Variants in ESPL1 observed in about 807,000 individuals in gnomAD.
ESPL1 encodes the protein separin.
ESPL1 carries 50 observed loss-of-function variants against 217.2 expected under a neutral mutation model. The ratio of observed to expected loss-of-function variants is 0.23; its 90% CI spans 0.18 to 0.29. ESPL1 has a LOEUF of 0.29. ESPL1 is among the 10% of genes least tolerant of loss of function. ESPL1 has a pLI of 1.00. For missense variants in ESPL1, 1,834 were observed against 2,603.0 expected (o/e 0.70, Z 6.43); for synonymous variants, 994 against 1,081.3 (o/e 0.92, Z 1.58).
intron 6 of ESPL1, chr12:53,274,050 T>G (rs1943723180): frequency 6.6e-6 from 1 of 151,866 alleles, no homozygotes; most frequent in African/African-American, 2.4e-5. Context: ...AGACGGGGGT[T>G]TCATCATCTT....
At chr12:53,268,507 CTGAAGGGCT>C in intron 1 of ESPL1, 130 bp downstream of exon 1, 1 of 478,594 alleles carries the variant, frequency 2.1e-6, no homozygotes, top group Non-Finnish European at 3.7e-6. Context: ...CCCCGGGCCG[CTGAAGGGCT>C]GGGCCGAGGC....
chr12:53,270,047 G>A lies in ESPL1; in HGVS notation c.1105G>A (p.Gly369Arg). Residue 369 changes from glycine to arginine, a missense_variant, in exon 3 of 31, where the codon GGG (glycine) becomes AGG (arginine). Physicochemically the swap from Gly to Arg is moderately radical, Grantham distance 125 (BLOSUM62 -2). Transcript: ENST00000257934. Reference sequence around the variant, plus strand: ...TCTGAGCCTCTTTGCTTTTCTTGGAGGGTACTGCTCTCTTCTGCAGCAGCT... The same window carrying A: ...TCTGAGCCTCTTTGCTTTTCTTGGAAGGTACTGCTCTCTTCTGCAGCAGCT... ...AILSLFAFLG[G>R]YCSLLQQLRD... 1 of 1,613,850 alleles carries A rather than the reference G, an allele frequency of 6.2e-7. No individual in the cohort carries two copies. Among genetic ancestry groups the A allele is most frequent in the Non-Finnish European group, 8.5e-7 (1 of 1,179,876 alleles).
chr12:53,289,675 C>A, intron 22 of ESPL1, 81 bp downstream of exon 22: 3 of 1,212,286 alleles, frequency 2.5e-6, no homozygotes, highest in Non-Finnish European at 3.5e-6. Flanking sequence ...GAGTTTTAGG[C>A]ATTGGTTAGT....
At chr12:53,289,332 G>T in intron 21 of ESPL1, 29 bp downstream of exon 21, 4 of 1,610,374 alleles carry the variant, frequency 2.5e-6, no homozygotes, top group Non-Finnish European at 3.4e-6. Flanking sequence ...CAAGACTCCT[G>T]CTGGGGCAGA....
intron 3 of ESPL1, 107 bp from the exon 4 acceptor site, chr12:53,270,271 C>T (rs1290227242): frequency 1.0e-6 from 1 of 987,634 alleles, no homozygotes; most frequent in Non-Finnish European, 1.6e-6. Flanking sequence ...GATGTCCTTC[C>T]TCGTGCTCCC....
In ESPL1 at chr12:53,292,646, T is replaced by C. The variant is rs1306089569; in HGVS notation, c.5985T>C (p.His1995=). The change falls in exon 29 of 31, where the codon CAT becomes CAC. Residue 1995 remains histidine, a synonymous_variant. Coordinates refer to ENST00000257934, the MANE Select transcript of ESPL1 (RefSeq NM_012291.5). The surrounding 1 kb of genome is among the most constrained non-coding windows in gnomAD (Gnocchi z 4.5). ...PEQVQEALTK[H]DLYIYAGHGA... ...AGGTGCAGGAAGCCCTGACAAAGCA[T>C]GATTTGTATATGTGAGTGCTTAAGG... 2.5e-6 allele frequency: 4 copies of C among 1,612,484 alleles called. No homozygotes were observed. In the African/African-American group the frequency reaches 4.0e-5, roughly 16 times the overall value.
In ESPL1 at chr12:53,271,172, G is replaced by GGTTTTTTTTTTTTTTT. The variant is rs371461220; in HGVS notation, c.1369+374_1369+375insGTTTTTTTTTTTTTTT. ...AAATGACCTTTCTGTATATTTAAGTGTTTTTTTTTTTTTTTTTTTGAGACA... is the reference window on the plus strand; with the variant it reads ...AAATGACCTTTCTGTATATTTAAGTGGTTTTTTTTTTTTTTTTTTTTTTTTTTTTTTTTTTGAGACA... On this transcript the variant is annotated intron_variant, in intron 5 of 30. Coordinates refer to ENST00000257934, the MANE Select transcript of ESPL1 (RefSeq NM_012291.5). 2.5e-5 allele frequency among the ~76,000 whole-genome samples: 3 copies of GGTTTTTTTTTTTTTTT among 117,754 alleles called. 1 individual carries two copies. The highest frequency in any genetic ancestry group is 1.7e-5 in the Non-Finnish European group (1 of 60,364). 77.3% of individuals were successfully genotyped at this position (117,754 alleles called of 152,430 possible).
chr12:53,285,284 T>C (rs1943928832), intron 17 of ESPL1, among the ~76,000 whole-genome samples: 1 of 152,152 alleles, frequency 6.6e-6, no homozygotes, highest in African/African-American at 2.4e-5. Context: ...TATTTTCATT[T>C]GTTAAATGAG....
Position 53,293,022 on chromosome 12 carries a change from AC to A in ESPL1, c.6161+56del. ...CTAGGGCATTAGGACTCCTGCCCTC[AC>A]CCCAGGTTCTTTCCCAGGTCTGAAT... On this transcript the variant is annotated intron_variant, in intron 30 of 30. Coordinates refer to ENST00000257934, the MANE Select transcript of ESPL1 (RefSeq NM_012291.5). This position sits in a 1 kb window ranked among gnomAD's most constrained non-coding sequence, Gnocchi z 4.2. 6.6e-7 allele frequency: 1 copy of A among 1,524,914 alleles called. No individual in the cohort carries two copies. The allele number at this position is 1,524,914 out of a possible 1,614,324, so 94.5% of individuals were successfully genotyped here.
chr12:53,288,424 G>T, intron 19 of ESPL1, 83 bp downstream of exon 19: 1 of 1,525,960 alleles, frequency 6.6e-7, no homozygotes. Context: ...TGCTGCCAAG[G>T]AAGTACAGGA....
intron 6 of ESPL1, 73 bp downstream of exon 6, chr12:53,272,930 C>A (rs1429108730): frequency 2.0e-6 from 3 of 1,513,360 alleles, no homozygotes; most frequent in Non-Finnish European, 2.7e-6. Context: ...AAGGGCCTCA[C>A]CAGCACCCTG....
rs1179495425 is a variant in ESPL1, at chr12:53,274,833, G to A, written c.1523G>A (p.Arg508Gln). 6 of 1,613,842 alleles carry A rather than the reference G, an allele frequency of 3.7e-6. No homozygotes were observed. The highest frequency in any genetic ancestry group is 2.7e-5 in the African/African-American group (2 of 74,894). The change falls in exon 7 of 31, where the codon CGG becomes CAG. Residue 508 changes from arginine (R) to glutamine (Q), a missense_variant. Around this residue, in one of 5 missense-constraint regions of ESPL1, gnomAD observed 746 missense variants for 1,077.0 expected, o/e 0.69. Transcript: ENST00000257934. The part of the protein sequence containing the change: ...VPPEKLHRCF[R>Q]LQVESLKKLG... ...TCTGGTCAGTTGCACAGGTGCTTCCGGCTACAAGTAGAGAGTTTGAAGAAA... is the reference window on the plus strand; with the variant it reads ...TCTGGTCAGTTGCACAGGTGCTTCCAGCTACAAGTAGAGAGTTTGAAGAAA...
intron 18 of ESPL1, 51 bp from the exon 19 acceptor site, chr12:53,287,921 G>T (rs758823617): frequency 1.3e-6 from 2 of 1,518,182 alleles, no homozygotes. Context: ...GTCACAAGGT[G>T]TCTTGTCACT....
intron 25 of ESPL1, 137 bp downstream of exon 25, chr12:53,291,133 T>C (rs1350202811): frequency 4.6e-6 from 3 of 655,268 alleles, no homozygotes; most frequent in East Asian, 3.2e-5. Flanking sequence ...TGAAACCCTG[T>C]CTCTACGAAA....
intron 6 of ESPL1, 65 bp downstream of exon 6, chr12:53,272,922 G>C (rs1943700041): frequency 6.4e-7 from 1 of 1,572,004 alleles, no homozygotes; most frequent in African/African-American, 1.3e-5. Context: ...GAGCGGGGAA[G>C]GGCCTCACCA....
At position 53,290,226 on chromosome 12, in the gene ESPL1, G is replaced by A. The variant is rs369380367; in HGVS notation, c.5241+14G>A. The A allele has an allele frequency of 3.1e-6, 5 of 1,613,568 alleles. No homozygotes were observed. Among genetic ancestry groups the A allele is most frequent in the South Asian group, 2.2e-5 (2 of 91,084 alleles). Reference sequence around the variant, plus strand: ...GGCCAGAACAAGGTAGGATTCCTGGGCCATGGAGCAAAGTTGGGCTGGATT... The same window carrying A: ...GGCCAGAACAAGGTAGGATTCCTGGACCATGGAGCAAAGTTGGGCTGGATT... On this transcript the variant is annotated intron_variant, in intron 23 of 30. Transcript: ENST00000257934.
Position 53,290,206 on chromosome 12 carries a change from G to C in ESPL1, c.5235G>C (p.Gln1745His), listed in dbSNP as rs756692566. Residue 1745 changes from glutamine to histidine, a missense_variant, in exon 23 of 31, where the codon CAG becomes CAC. Gln to His is a conservative substitution (Grantham distance 24, BLOSUM62 0). Transcript: ENST00000257934. Reference protein sequence around the residue: ...PPVSVQIPTGQNKLHLRSVLN... With the variant: ...PPVSVQIPTGHNKLHLRSVLN... ...TCAGTGTGCAGATTCCCACTGGCCA[G>C]AACAAGGTAGGATTCCTGGGCCATG... The C allele has an allele frequency of 3.7e-6, 6 of 1,613,968 alleles. No individual in the cohort carries two copies. In the African/African-American group the frequency reaches 8.0e-5, roughly 22 times the overall value.
rs1943907236 is a variant in ESPL1 at position 53,284,113 on chromosome 12, G to T, written c.3133G>T (p.Asp1045Tyr). ...GCTGGAGCTGGCCCGCAATGACATT[G>T]ATCTCTGTCAGTCGGACCTGCAGCA... is the stretch of plus-strand genomic sequence containing the variant. ...GELELARNDI[D>Y]LCQSDLQQVL... The change falls in exon 17 of 31, where the codon GAT becomes TAT. Residue 1045 changes from aspartate (D) to tyrosine (Y), a missense_variant. Transcript: ENST00000257934. The T allele has an allele frequency of 6.2e-7, 1 of 1,614,010 alleles. No homozygotes were observed. Among genetic ancestry groups the T allele is most frequent in the African/African-American group, 1.3e-5 (1 of 74,924 alleles).
At chr12:53,276,585 G>A in intron 7 of ESPL1, 35 bp from the exon 8 acceptor site, 1 of 1,559,254 alleles carries the variant, frequency 6.4e-7, no homozygotes, top group Non-Finnish European at 8.7e-7. Context: ...ATGCCTCCTG[G>A]GTTCCACCCT....
Sources: allele counts gnomAD v4.1 joint callset (sites outside exome capture counted in the v4.1 genomes callset), GRCh38; gene constraint gnomAD v4.1.1; regional missense constraint gnomAD v4.1.1; non-coding constraint Gnocchi (gnomAD v3.1); transcripts MANE v1.5; gene names NCBI Gene and HGNC (gene_info 2026-07-23, HGNC 2026-07-21).